Variants in SHISA6 observed in about 807,000 individuals in gnomAD.
SHISA6 encodes protein shisa-6.
A neutral mutation model predicts 47.9 loss-of-function variants in SHISA6; 22 were observed. That is an observed-to-expected ratio of 0.46 (90% CI 0.33 to 0.66). SHISA6 has a LOEUF of 0.66. Ranked by LOEUF, SHISA6 falls within the 30% of genes least tolerant of loss-of-function variation. SHISA6 has a pLI of 0.02. For synonymous variants in SHISA6, 388 were observed against 337.8 expected (o/e 1.15, Z -1.63); for missense variants, 680 against 764.6 (o/e 0.89, Z 1.30).
At chr17:11,339,425 C>A (rs1175650578) in intron 2 of SHISA6, among the ~76,000 whole-genome samples, 3 of 57,496 alleles carry the variant, frequency 5.2e-5, no homozygotes, top group Non-Finnish European at 1.5e-4. Flanking sequence ...GGATTCACTA[C>A]ACCCCCCCTC....
At chr17:11,327,116 G>A (rs998865702) in intron 2 of SHISA6, among the ~76,000 whole-genome samples, 1 of 152,192 alleles carries the variant, frequency 6.6e-6, no homozygotes, top group Non-Finnish European at 1.5e-5. Context: ...TGCTGTTGAG[G>A]ATAGATGAGT....
At chr17:11,518,302 C>T (rs1386171265) in intron 3 of SHISA6, among the ~76,000 whole-genome samples, 1 of 152,158 alleles carries the variant, frequency 6.6e-6, no homozygotes, top group Non-Finnish European at 1.5e-5. Flanking sequence ...ATGCTGGGCA[C>T]ATAGTGACAT....
intron 3 of SHISA6, among the ~76,000 whole-genome samples, chr17:11,409,703 CAAAA>C (rs35351476): frequency 2.4e-5 from 2 of 82,158 alleles, no homozygotes; most frequent in Admixed American, 1.5e-4. Context: ...GACTCCATCT[CAAAA>C]AAAAAAAAAA....
At chr17:11,510,475 G>A (rs1211078702) in intron 3 of SHISA6, among the ~76,000 whole-genome samples, 1 of 152,170 alleles carries the variant, frequency 6.6e-6, no homozygotes, top group Non-Finnish European at 1.5e-5. Context: ...GCCAAGTGAT[G>A]GGGTTGTCCC....
chr17:11,502,518 G>T (rs1209735285), intron 3 of SHISA6, among the ~76,000 whole-genome samples: 1 of 151,238 alleles, frequency 6.6e-6, no homozygotes, highest in Non-Finnish European at 1.5e-5. Context: ...ACTTAGATCA[G>T]GAGTTTGAGA....
chr17:11,551,821 A>G, intron 3 of SHISA6, 75 bp from the exon 4 acceptor site: 1 of 1,272,216 alleles, frequency 7.9e-7, no homozygotes, highest in Non-Finnish European at 1.1e-6. Context: ...AGAGGTAAAG[A>G]GAGATGCTGT....
chr17:11,273,637 G>T (rs1228110370), intron 2 of SHISA6, among the ~76,000 whole-genome samples: 2 of 152,234 alleles, frequency 1.3e-5, no homozygotes, highest in Non-Finnish European at 2.9e-5. Flanking sequence ...TCCACGCCCT[G>T]GGCTAGGAGC....
At chr17:11,536,544 G>A (rs2071789937) in intron 3 of SHISA6, among the ~76,000 whole-genome samples, 1 of 152,108 alleles carries the variant, frequency 6.6e-6, no homozygotes, top group South Asian at 2.1e-4. Flanking sequence ...TGTAAGATGG[G>A]GTGCCTGCCC....
At chr17:11,397,395 C>CTGTGTGTGTGTG (rs3034221) in intron 3 of SHISA6, among the ~76,000 whole-genome samples, 7,744 of 140,356 alleles carry the variant, frequency 0.055, 269 homozygotes, top group Middle Eastern at 0.083. Flanking sequence ...TTACCTGCCT[C>CTGTGTGTGTGTG]TGTGTGTGTG....
At chr17:11,405,841 ATT>A (rs1018304158) in intron 3 of SHISA6, among the ~76,000 whole-genome samples, 5 of 152,004 alleles carry the variant, frequency 3.3e-5, no homozygotes, top group Non-Finnish European at 5.9e-5. Context: ...GTTGAGAACC[ATT>A]GTTTTGGGAG....
chr17:11,436,477 T>G (rs912193751), intron 3 of SHISA6, among the ~76,000 whole-genome samples: 1 of 152,242 alleles, frequency 6.6e-6, no homozygotes, highest in African/African-American at 2.4e-5. Flanking sequence ...AATTCACAAC[T>G]ACTTATGGAT....
intron 2 of SHISA6, among the ~76,000 whole-genome samples, chr17:11,357,485 C>T (rs944129670): frequency 7.2e-5 from 11 of 152,072 alleles, no homozygotes; most frequent in African/African-American, 1.9e-4. Context: ...AGAGAGCAAC[C>T]GATGTGTCTC....
chr17:11,311,927 C>T (rs190621860), intron 2 of SHISA6, among the ~76,000 whole-genome samples: 41 of 152,170 alleles, frequency 2.7e-4, no homozygotes, highest in African/African-American at 8.7e-4. Context: ...AGGTATGTGC[C>T]ACCACGCCTG....
intron 1 of SHISA6, among the ~76,000 whole-genome samples, chr17:11,244,106 C>T (rs916734274): frequency 3.9e-5 from 6 of 152,262 alleles, no homozygotes; most frequent in East Asian, 3.9e-4. Context: ...AAGGTGATTA[C>T]GGCATTGGGG....
chr17:11,311,250 C>T (rs1390856192), intron 2 of SHISA6, among the ~76,000 whole-genome samples: 1 of 142,544 alleles, frequency 7.0e-6, no homozygotes, highest in Admixed American at 7.3e-5. Flanking sequence ...CCACTGCACT[C>T]TAGCCTGGGA....
chr17:11,273,708 C>T (rs1391266937), intron 2 of SHISA6, among the ~76,000 whole-genome samples: 5 of 152,116 alleles, frequency 3.3e-5, no homozygotes, highest in Admixed American at 6.5e-5. Flanking sequence ...GAGGCTACAG[C>T]GACATGGAGT....
At chr17:11,535,885 ATGTGTGTGTGTGTGTGTGTGTGG>A (rs1322145533) in intron 3 of SHISA6, among the ~76,000 whole-genome samples, 1 of 150,404 alleles carries the variant, frequency 6.6e-6, no homozygotes, top group East Asian at 2.0e-4. Flanking sequence ...TGGGAAAACA[ATGTGTGTGTGTGTGTGTGTGTGG>A]TGTGTGTGTA....
chr17:11,502,237 G>C (rs1431325638), intron 3 of SHISA6, among the ~76,000 whole-genome samples: 1 of 149,798 alleles, frequency 6.7e-6, no homozygotes, highest in Admixed American at 6.7e-5. Context: ...GTGAAACCCC[G>C]TCTCTACTAA....
chr17:11,404,873 A>G (rs1597496465), intron 3 of SHISA6, among the ~76,000 whole-genome samples: 2 of 152,148 alleles, frequency 1.3e-5, no homozygotes, highest in Non-Finnish European at 2.9e-5. Flanking sequence ...CAGCCCTCCA[A>G]CAGATGCCGA....
Sources: gnomAD v4.1 joint callset for allele counts (sites outside exome capture counted in the v4.1 genomes callset) on GRCh38, gnomAD v4.1.1 for gene constraint, MANE v1.5 for transcripts, NCBI Gene and HGNC (gene_info 2026-07-23, HGNC 2026-07-21) for gene names.